Variants in PACRG observed in about 807,000 individuals in gnomAD.
PACRG encodes the protein parkin coregulated gene protein.
In PACRG, 29 loss-of-function variants were observed where a neutral mutation model predicts 29.7. The observed-to-expected ratio is 0.98, with a 90% CI of 0.73 to 1.33. PACRG has a LOEUF of 1.33. PACRG is among the 40% of genes most tolerant of loss of function. The pLI is 0.00. For missense variants in PACRG, 279 were observed against 316.2 expected (o/e 0.88, Z 0.89); for synonymous variants, 116 against 118.7 (o/e 0.98, Z 0.15).
In PACRG at chr6:162,958,754, GTA is replaced by G. The variant is rs749589409; in HGVS notation, c.292-103387_292-103386del. 1.6e-3 allele frequency among the ~76,000 whole-genome samples: 240 copies of G among 147,900 alleles called. 1 individual carries two copies. The highest frequency in any genetic ancestry group is 5.1e-3 in the African/African-American group (202 of 39,894). On this transcript the variant is annotated intron_variant, in intron 2 of 4. Coordinates refer to ENST00000366888, the MANE Select transcript of PACRG (RefSeq NM_001080379.2). ...CATATGCGTGTGTGTGTGTGTGTGT[GTA>G]TATATATACACATACACATAAATAT...
At chr6:163,272,751 C>T (rs886470570) in intron 4 of PACRG, among the ~76,000 whole-genome samples, 4 of 151,944 alleles carry the variant, frequency 2.6e-5, no homozygotes, top group African/African-American at 7.3e-5. Flanking sequence ...TAAATATTGT[C>T]CAGTGCTTTA....
chr6:163,255,897 A>G (rs1398770500), intron 4 of PACRG, among the ~76,000 whole-genome samples: 2 of 152,120 alleles, frequency 1.3e-5, no homozygotes, highest in African/African-American at 4.8e-5. Flanking sequence ...CGGCCTCCCA[A>G]AGTGCTGGGT....
At position 163,315,052 on chromosome 6, in the gene PACRG, T is replaced by C. The variant is rs1785596469; in HGVS notation, c.*65T>C. 1.3e-6 allele frequency: 2 copies of C among 1,530,926 alleles called. No homozygotes were observed. Among genetic ancestry groups the C allele is most frequent in the Non-Finnish European group, 1.8e-6 (2 of 1,123,630 alleles). The allele number at this position is 1,530,926 out of a possible 1,614,324, so 94.8% of individuals were successfully genotyped here. A position where few individuals can be genotyped will look rare whatever the true frequency, so the allele number is the denominator to read the frequency against. On this transcript the variant is annotated 3_prime_UTR_variant, in exon 5 of 5. Coordinates refer to ENST00000366888, the MANE Select transcript of PACRG (RefSeq NM_001080379.2). The stretch of plus-strand genomic sequence containing the variant: ...TGGGATCATCTGTCTCTGTTGCTTT[T>C]AGCATCTCATTCCTTGTGACTTCCA...
chr6:162,961,003 G>A (rs963485685), intron 2 of PACRG, among the ~76,000 whole-genome samples: 1 of 152,132 alleles, frequency 6.6e-6, no homozygotes, highest in Non-Finnish European at 1.5e-5. Context: ...CAAATATTGT[G>A]GCCATGAGAG....
At chr6:163,115,703 A>G (rs1325261263) in intron 4 of PACRG, among the ~76,000 whole-genome samples, 1 of 152,114 alleles carries the variant, frequency 6.6e-6, no homozygotes, top group African/African-American at 2.4e-5. Context: ...AATTTATTCA[A>G]ATCCAACCAG....
intron 2 of PACRG, among the ~76,000 whole-genome samples, chr6:163,022,568 G>A (rs1350816508): frequency 6.6e-6 from 1 of 152,218 alleles, no homozygotes; most frequent in African/African-American, 2.4e-5. Context: ...ACTAACAGGA[G>A]TGTCCCAGGA....
intron 4 of PACRG, among the ~76,000 whole-genome samples, chr6:163,234,895 A>C (rs1159115470): frequency 3.9e-5 from 6 of 152,210 alleles, no homozygotes; most frequent in Admixed American, 2.0e-4. Context: ...GAGCAAGTAC[A>C]GGCAACTCTT....
In PACRG at chr6:163,006,059, CAT is replaced by C. The variant is rs1159832351; in HGVS notation, c.292-56083_292-56082del. On this transcript the variant is annotated intron_variant, in intron 2 of 4. Transcript: ENST00000366888. ...ATATAACATATATAACTATGTATAACATATATATAACTATATATGGGTTTTGT... is the reference window on the plus strand; with the variant it reads ...ATATAACATATATAACTATGTATAACATATATAACTATATATGGGTTTTGT... Among the ~76,000 whole-genome samples, 32 of 141,292 alleles carry C rather than the reference CAT, an allele frequency of 2.3e-4. No homozygotes were observed. In the South Asian group the frequency reaches 2.7e-3, roughly 12 times the overall value. 92.7% of individuals were successfully genotyped at this position (141,292 alleles called of 152,430 possible).
chr6:162,934,349 C>T (rs1798088543), intron 2 of PACRG, among the ~76,000 whole-genome samples: 1 of 152,282 alleles, frequency 6.6e-6, no homozygotes, highest in East Asian at 1.9e-4. Flanking sequence ...CATGAGGGAT[C>T]TGCACCCATG....
chr6:162,856,325 C>T (rs1791392591), intron 2 of PACRG, among the ~76,000 whole-genome samples: 1 of 152,176 alleles, frequency 6.6e-6, no homozygotes, highest in Non-Finnish European at 1.5e-5. Flanking sequence ...TCCCAAAGTG[C>T]TGGGATTATA....
chr6:162,931,979 T>C (rs1185078162), intron 2 of PACRG, among the ~76,000 whole-genome samples: 3 of 152,030 alleles, frequency 2.0e-5, no homozygotes, highest in African/African-American at 7.2e-5. Context: ...GGGCTTTATA[T>C]GTAAATACCC....
chr6:162,994,919 G>A (rs1334263676), intron 2 of PACRG, among the ~76,000 whole-genome samples: 1 of 147,768 alleles, frequency 6.8e-6, no homozygotes, highest in South Asian at 2.1e-4. Flanking sequence ...ATGGGTTTTC[G>A]GTGTGGATGT....
intron 4 of PACRG, chr6:163,182,460 A>G (rs1298353334): frequency 2.0e-5 from 3 of 152,220 alleles, no homozygotes; most frequent in Non-Finnish European, 4.4e-5. Context: ...CAGAATAACA[A>G]TCGCCTTTAA....
intron 4 of PACRG, among the ~76,000 whole-genome samples, chr6:163,091,521 AT>A (rs1814108738): frequency 1.3e-5 from 2 of 152,134 alleles, no homozygotes; most frequent in South Asian, 4.1e-4. Flanking sequence ...CATTTAAATT[AT>A]TTTTCTGCTT....
At chr6:163,312,387 T>C (rs1007742123) in intron 4 of PACRG, among the ~76,000 whole-genome samples, 3 of 152,208 alleles carry the variant, frequency 2.0e-5, no homozygotes, top group African/African-American at 7.2e-5. Context: ...TTGCTTTTCA[T>C]CCTGCCCACC....
intron 4 of PACRG, among the ~76,000 whole-genome samples, chr6:163,288,987 GAAACACAGTGATAAA>G (rs1476822705): frequency 6.6e-6 from 1 of 152,174 alleles, no homozygotes. Context: ...CAGCAAAGGT[GAAACACAGTGATAAA>G]AGCAGTCCCT....
intron 2 of PACRG, among the ~76,000 whole-genome samples, chr6:163,038,339 T>C (rs1037721986): frequency 6.6e-6 from 1 of 152,162 alleles, no homozygotes; most frequent in Non-Finnish European, 1.5e-5. Context: ...TATTTGGAAC[T>C]GAAGATGTGA....
At chr6:163,192,974 C>T (rs536378003) in intron 4 of PACRG, among the ~76,000 whole-genome samples, 19 of 152,276 alleles carry the variant, frequency 1.2e-4, no homozygotes, top group East Asian at 1.9e-4. Flanking sequence ...ACCCTTAAAC[C>T]GGATCCCAAA....
At chr6:162,837,124 G>T (rs1246569754) in intron 2 of PACRG, among the ~76,000 whole-genome samples, 1 of 152,116 alleles carries the variant, frequency 6.6e-6, no homozygotes, top group African/African-American at 2.4e-5. Flanking sequence ...GTGGAAAGGC[G>T]GAAGCTGGAT....
Sources: gnomAD v4.1 joint callset for allele counts (sites outside exome capture counted in the v4.1 genomes callset) on GRCh38, gnomAD v4.1.1 for gene constraint, MANE v1.5 for transcripts, NCBI Gene and HGNC (gene_info 2026-07-23, HGNC 2026-07-21) for gene names.